The following RYR2 variants were observed in gnomAD, a reference collection of about 807,000 sequenced individuals.
RYR2 encodes ryanodine receptor 2.
RYR2 carries 227 observed loss-of-function variants against 601.1 expected under a neutral mutation model. That is an observed-to-expected ratio of 0.38 (90% CI 0.34 to 0.42). RYR2 has a LOEUF of 0.42. RYR2 is among the 10% of genes least tolerant of loss of function. The pLI, the probability that RYR2 is intolerant of heterozygous loss-of-function variation, is 1.00. For missense variants in RYR2, 4,646 were observed against 6,156.5 expected (o/e 0.75, Z 8.21); for synonymous variants, 2,223 against 2,175.1 (o/e 1.02, Z -0.61).
At chr1:237,136,779 G>T (rs768898211) in intron 1 of RYR2, among the ~76,000 whole-genome samples, 8 of 152,266 alleles carry the variant, frequency 5.3e-5, no homozygotes, top group African/African-American at 1.2e-4. Flanking sequence ...ACTTTGGGAG[G>T]CCGAAGCAGG....
At position 237,496,754 on chromosome 1, in the gene RYR2, T is replaced by TAC. The variant is rs730880376; in HGVS notation, c.2203+3_2203+4dup. 21 of 1,608,802 alleles carry TAC rather than the reference T, an allele frequency of 1.3e-5. No individual in the cohort carries two copies. Among genetic ancestry groups the TAC allele is most frequent in the Middle Eastern group, 1.7e-4 (1 of 6,056 alleles). Reference sequence around the variant, plus strand: ...TTGATGGCCTTCATCTCTGGTCAGGTACGTACTATCCATTTTCTTTCACCG... The same window carrying TAC: ...TTGATGGCCTTCATCTCTGGTCAGGTACACGTACTATCCATTTTCTTTCACCG... On this transcript the variant is annotated splice_region_variant and intron_variant, in intron 20 of 104. Transcript: ENST00000366574.
intron 12 of RYR2, among the ~76,000 whole-genome samples, chr1:237,425,598 C>CA (rs1558796948): frequency 6.6e-6 from 1 of 151,532 alleles, no homozygotes; most frequent in Non-Finnish European, 1.5e-5. Context: ...CGTGCCACTG[C>CA]AGTCCAGCCT....
intron 22 of RYR2, among the ~76,000 whole-genome samples, chr1:237,505,371 A>G (rs1432572192): frequency 6.6e-6 from 1 of 152,214 alleles, no homozygotes; most frequent in African/African-American, 2.4e-5. Context: ...TAGTTTTTAA[A>G]GATCAAAGAC....
chr1:237,344,991 AG>A (rs1327414121), intron 3 of RYR2, among the ~76,000 whole-genome samples: 5 of 151,930 alleles, frequency 3.3e-5, no homozygotes, highest in Non-Finnish European at 7.4e-5. Flanking sequence ...TTGTATTTTT[AG>A]TAGAGACGGG....
intron 1 of RYR2, among the ~76,000 whole-genome samples, chr1:237,184,638 A>T (rs1415143473): frequency 2.6e-5 from 4 of 152,200 alleles, no homozygotes; most frequent in Non-Finnish European, 5.9e-5. Flanking sequence ...GACTTTAGCT[A>T]TACTGAAGTA....
intron 1 of RYR2, among the ~76,000 whole-genome samples, chr1:237,125,083 G>A (rs112707456): frequency 3.3e-5 from 5 of 152,144 alleles, no homozygotes; most frequent in African/African-American, 1.2e-4. Flanking sequence ...GAGTTAACAC[G>A]TGCATTTTGC....
At chr1:237,384,314 C>G (rs1701799364) in intron 8 of RYR2, among the ~76,000 whole-genome samples, 1 of 152,212 alleles carries the variant, frequency 6.6e-6, no homozygotes, top group South Asian at 2.1e-4. Flanking sequence ...CTGCTGTAAA[C>G]TCCTTATTAC....
rs151212226 is a variant in RYR2, at chr1:237,715,615, T to TA, written c.10324-1579dup. On this transcript the variant is annotated intron_variant, in intron 71 of 104. Transcript: ENST00000366574. ...TAAGCTCCTTCTGCCTATACAACCA[T>TA]AAAACCAAAAGAACTTTACAGGTTA... Among the ~76,000 whole-genome samples the TA allele has an allele frequency of 5.6e-3, 860 of 152,220 alleles. 12 individuals carry two copies. Among genetic ancestry groups the TA allele is most frequent in the African/African-American group, 0.019 (796 of 41,548 alleles).
At chr1:237,182,185 G>A (rs549271411) in intron 1 of RYR2, among the ~76,000 whole-genome samples, 32 of 151,844 alleles carry the variant, frequency 2.1e-4, no homozygotes, top group African/African-American at 5.3e-4. Context: ...ACAGTGGCGC[G>A]ATCTTGGCTC....
At chr1:237,587,349 G>A (rs887175464) in intron 29 of RYR2, among the ~76,000 whole-genome samples, 4 of 151,950 alleles carry the variant, frequency 2.6e-5, no homozygotes, top group Non-Finnish European at 5.9e-5. Context: ...AGAAATTTTT[G>A]TCCCATTTTG....
chr1:237,721,188 T>C (rs982002279), intron 73 of RYR2, among the ~76,000 whole-genome samples: 2 of 152,226 alleles, frequency 1.3e-5, no homozygotes, highest in Non-Finnish European at 2.9e-5. Context: ...GATTCTACTT[T>C]ATTAATTATG....
rs200226512 is a variant in RYR2 at position 237,445,390 on chromosome 1, C to T, written c.1171-11C>T. On this transcript the variant is annotated splice_polypyrimidine_tract_variant and intron_variant, in intron 13 of 104. Coordinates refer to ENST00000366574, the MANE Select transcript of RYR2 (RefSeq NM_001035.3). ...GTTGGGAGTAATGGCCTTATTTTTGCTTTCTTACAGGCTATTATGCATCAT... is the reference window on the plus strand; with the variant it reads ...GTTGGGAGTAATGGCCTTATTTTTGTTTTCTTACAGGCTATTATGCATCAT... 18 of 1,611,530 alleles carry T rather than the reference C, an allele frequency of 1.1e-5. No individual in the cohort carries two copies. The highest frequency in any genetic ancestry group is 8.5e-6 in the Non-Finnish European group (10 of 1,178,882).
chr1:237,043,903 A>C lies in RYR2; in HGVS notation c.48+1334A>C, dbSNP rs894391695. Among the ~76,000 whole-genome samples, 4 of 152,240 alleles carry C rather than the reference A, an allele frequency of 2.6e-5. No individual in the cohort carries two copies. In the South Asian group the frequency reaches 8.3e-4, roughly 32 times the overall value. Reference sequence around the variant, plus strand: ...GGGTACTAAACATATGAAAACAGCGAATTTGCAAAGGAACGTTGTAAACGA... The same window carrying C: ...GGGTACTAAACATATGAAAACAGCGCATTTGCAAAGGAACGTTGTAAACGA... On this transcript the variant is annotated intron_variant, in intron 1 of 104. Coordinates refer to ENST00000366574, the MANE Select transcript of RYR2 (RefSeq NM_001035.3).
At chr1:237,472,688 A>AAG (rs1660864233) in intron 17 of RYR2, among the ~76,000 whole-genome samples, 1 of 152,010 alleles carries the variant, frequency 6.6e-6, no homozygotes, top group African/African-American at 2.4e-5. Context: ...TTTTGTAAAA[A>AAG]AAAAAAAGTG....
chr1:237,808,020 TCCAAAAATTA>T (rs1258571683), intron 99 of RYR2, among the ~76,000 whole-genome samples: 2 of 152,174 alleles, frequency 1.3e-5, no homozygotes, highest in Non-Finnish European at 2.9e-5. Context: ...CTTATAGCTA[TCCAAAAATTA>T]AAGTATAATT....
chr1:237,065,502 G>T (rs1355483232), intron 1 of RYR2, among the ~76,000 whole-genome samples: 1 of 151,794 alleles, frequency 6.6e-6, no homozygotes, highest in Non-Finnish European at 1.5e-5. Context: ...GGCCAGGCTG[G>T]TCTCGAACTC....
intron 1 of RYR2, among the ~76,000 whole-genome samples, chr1:237,120,265 C>T (rs1217641815): frequency 1.3e-5 from 2 of 152,158 alleles, no homozygotes; most frequent in African/African-American, 2.4e-5. Flanking sequence ...ATGTGAGCAA[C>T]TCTTCCTACA....
At chr1:237,797,908 A>G (rs1232383258) in intron 96 of RYR2, 129 bp from the exon 97 acceptor site, 3 of 807,448 alleles carry the variant, frequency 3.7e-6, no homozygotes, top group Non-Finnish European at 3.8e-6. Context: ...TGAGCCACAC[A>G]CTAGATTTTA....
Position 237,387,990 on chromosome 1 carries a change from T to C in RYR2, c.677-97T>C, listed in dbSNP as rs138515704. 214 of 1,134,526 alleles carry C rather than the reference T, an allele frequency of 1.9e-4. No homozygotes were observed. The African/African-American group carries it at 2.6e-3, about 14-fold the overall frequency. The allele number at this position is 1,134,526 out of a possible 1,614,324, so 70.3% of individuals were successfully genotyped here. A position where few individuals can be genotyped will look rare whatever the true frequency, so the allele number is the denominator to read the frequency against. ...GTCCTTAAGACTCACTAGACTTCAG[T>C]TTCTTTACGAAAGTAGAAGATTGGA... On this transcript the variant is annotated intron_variant, in intron 9 of 104. Transcript: ENST00000366574.
Sources: allele counts gnomAD v4.1 joint callset (sites outside exome capture counted in the v4.1 genomes callset), GRCh38; gene constraint gnomAD v4.1.1; transcripts MANE v1.5; gene names NCBI Gene and HGNC (gene_info 2026-07-23, HGNC 2026-07-21).